ATP6V0A4: variants seen among roughly 807,000 people sequenced by gnomAD.
ATP6V0A4 encodes V-type proton ATPase 116 kDa subunit a 4.
In ATP6V0A4, 86 loss-of-function variants were observed where a neutral mutation model predicts 107.3. That is an observed-to-expected ratio of 0.80 (90% CI 0.67 to 0.96). The LOEUF is 0.96. Ranked by LOEUF, ATP6V0A4 falls within the 40% of genes least tolerant of loss-of-function variation. The pLI, the probability that ATP6V0A4 is intolerant of heterozygous loss-of-function variation, is 0.00. For missense variants in ATP6V0A4, 908 were observed against 1,045.6 expected (o/e 0.87, Z 1.81); for synonymous variants, 353 against 381.4 (o/e 0.93, Z 0.87).
Position 138,749,457 on chromosome 7 carries a change from G to A in ATP6V0A4, c.1030-140C>T, listed in dbSNP as rs114455495. The stretch of plus-strand genomic sequence containing the variant: ...ATCTCTTGATCTCTCTGAGACTCAC[G>A]ACCTTATGTGTAGAGAGTTAATACC... On this transcript the variant is annotated intron_variant, in intron 11 of 21. Coordinates refer to ENST00000310018, the MANE Select transcript of ATP6V0A4 (RefSeq NM_020632.3). 1,057 of 863,422 alleles carry A rather than the reference G, an allele frequency of 1.2e-3. 6 individuals are homozygous for A. In the African/African-American group the frequency reaches 0.017, roughly 14 times the overall value. The allele number at this position is 863,422 out of a possible 1,614,324, so 53.5% of individuals were successfully genotyped here.
rs186997078 is a variant in ATP6V0A4, at chr7:138,728,794, C to T, written c.1977G>A (p.Pro659=). The T allele has an allele frequency of 2.9e-4, 463 of 1,614,126 alleles. 1 individual carries two copies. Among genetic ancestry groups the T allele is most frequent in the Non-Finnish European group, 3.6e-4 (428 of 1,180,034 alleles). The change falls in exon 18 of 22, where the codon CCG becomes CCA. Residue 659 remains proline, a synonymous_variant. Transcript: ENST00000310018. ...TCCGATGACTGGCTCTAAGAATAAA[C>T]GGCTTAATCAGAAGCATCCACGGCA... ...ISVPWMLLIK[P]FILRASHRKS...
At chr7:138,712,418 G>A (rs1418531645) in intron 20 of ATP6V0A4, among the ~76,000 whole-genome samples, 1 of 150,908 alleles carries the variant, frequency 6.6e-6, no homozygotes, top group Non-Finnish European at 1.5e-5. Flanking sequence ...CTGGCCTAGG[G>A]ACCTGAGATT....
chr7:138,760,212 G>A lies in ATP6V0A4; in HGVS notation c.513-334C>T, dbSNP rs185761736. On this transcript the variant is annotated intron_variant, in intron 7 of 21. Coordinates refer to ENST00000310018, the MANE Select transcript of ATP6V0A4 (RefSeq NM_020632.3). ...TAATCCCAGCACTTTGGGAGGCTGA[G>A]GCGGGCGGATCACCTGAGGTCAGGA... is the stretch of plus-strand genomic sequence containing the variant. 5.7e-3 allele frequency among the ~76,000 whole-genome samples: 868 copies of A among 152,260 alleles called. 4 individuals are homozygous for A. Among genetic ancestry groups the A allele is most frequent in the African/African-American group, 0.02 (824 of 41,544 alleles).
At chr7:138,735,167 G>A (rs1363304773) in intron 15 of ATP6V0A4, among the ~76,000 whole-genome samples, 1 of 152,056 alleles carries the variant, frequency 6.6e-6, no homozygotes, top group Non-Finnish European at 1.5e-5. Flanking sequence ...GGGTGGAGGG[G>A]TTAGTTAGGG....
intron 1 of ATP6V0A4, among the ~76,000 whole-genome samples, chr7:138,797,383 A>G (rs1808733772): frequency 6.6e-6 from 1 of 151,334 alleles, no homozygotes; most frequent in Non-Finnish European, 1.5e-5. Context: ...ACACCTGGCT[A>G]ATTTTTGTAT....
At chr7:138,759,039 C>A (rs1412846840) in intron 8 of ATP6V0A4, among the ~76,000 whole-genome samples, 1 of 146,108 alleles carries the variant, frequency 6.8e-6, no homozygotes, top group Non-Finnish European at 1.5e-5. Flanking sequence ...GCATGAGCCA[C>A]CATGCCCAGC....
At chr7:138,768,711 C>T (rs1584939505) in intron 5 of ATP6V0A4, 69 bp downstream of exon 5, 12 of 1,577,300 alleles carry the variant, frequency 7.6e-6, no homozygotes, top group South Asian at 1.1e-5. Context: ...AAGTGGCTCT[C>T]AGGGCCTTCA....
intron 17 of ATP6V0A4, among the ~76,000 whole-genome samples, chr7:138,730,137 G>A (rs1353351216): frequency 6.6e-6 from 1 of 152,174 alleles, no homozygotes; most frequent in Non-Finnish European, 1.5e-5. Context: ...GCCCGCCTCG[G>A]CCTCCCAAAG....
At chr7:138,784,702 AG>A (rs1292949978) in intron 2 of ATP6V0A4, among the ~76,000 whole-genome samples, 1 of 152,226 alleles carries the variant, frequency 6.6e-6, no homozygotes, top group Non-Finnish European at 1.5e-5. Flanking sequence ...CGGTCTTGAG[AG>A]AAACAACTTT....
chr7:138,768,825 C>T lies in ATP6V0A4; in HGVS notation c.246G>A (p.Glu82=), dbSNP rs752338756. ...MQNEIVVQLL[E]KSPLTPLPRE... ...GTGGGAGCGGGGTCAGTGGGCTTTTCTCGAGCAACTGAACTACAATCTCAT... is the reference window on the plus strand; with the variant it reads ...GTGGGAGCGGGGTCAGTGGGCTTTTTTCGAGCAACTGAACTACAATCTCAT... The change falls in exon 5 of 22, where the codon GAG becomes GAA. Residue 82 remains glutamate (E), a synonymous_variant. Coordinates refer to ENST00000310018, the MANE Select transcript of ATP6V0A4 (RefSeq NM_020632.3). 2 of 1,614,208 alleles carry T rather than the reference C, an allele frequency of 1.2e-6. No homozygotes were observed. Among genetic ancestry groups the T allele is most frequent in the Non-Finnish European group, 1.7e-6 (2 of 1,180,038 alleles).
At chr7:138,709,888 ATT>A in intron 20 of ATP6V0A4, 93 bp from the exon 21 acceptor site, 1 of 1,341,862 alleles carries the variant, frequency 7.5e-7, no homozygotes, top group Non-Finnish European at 9.9e-7. Flanking sequence ...ATATATATAT[ATT>A]TTAAATAGAG....
intron 15 of ATP6V0A4, among the ~76,000 whole-genome samples, chr7:138,738,490 A>C (rs1329135908): frequency 3.9e-5 from 6 of 152,180 alleles, no homozygotes; most frequent in Non-Finnish European, 8.8e-5. Flanking sequence ...CTGCTTACTA[A>C]ACATGAAATT....
At chr7:138,780,304 C>T (rs1807859657) in intron 2 of ATP6V0A4, among the ~76,000 whole-genome samples, 1 of 152,154 alleles carries the variant, frequency 6.6e-6, no homozygotes. Flanking sequence ...AACACACAAC[C>T]TAGATTCTTC....
intron 10 of ATP6V0A4, 97 bp from the exon 11 acceptor site, chr7:138,752,934 C>G (rs1176177887): frequency 2.6e-6 from 4 of 1,552,794 alleles, no homozygotes; most frequent in African/African-American, 1.4e-5. Flanking sequence ...GCAGCTTCCT[C>G]TGCTCTGGCA....
chr7:138,712,002 G>A (rs956146984), intron 20 of ATP6V0A4, among the ~76,000 whole-genome samples: 9 of 151,718 alleles, frequency 5.9e-5, no homozygotes, highest in Non-Finnish European at 1.2e-4. Context: ...GTGTGATCTC[G>A]GCTCACTGTA....
In ATP6V0A4 at chr7:138,733,044, T is replaced by C. The variant is rs1805105163; in HGVS notation, c.1741A>G (p.Ile581Val). The C allele has an allele frequency of 6.2e-7, 1 of 1,613,834 alleles. No individual in the cohort carries two copies. Among genetic ancestry groups the C allele is most frequent in the African/African-American group, 1.3e-5 (1 of 74,846 alleles). Reference protein sequence around the residue: ...NIILQFIPEMIFILCLFGYLV... With the variant: ...NIILQFIPEMVFILCLFGYLV... ...TATCCAAACAGACACAGGATAAAAATCATCTCAGGGATAAATTGCAGAATG... is the reference window on the plus strand; with the variant it reads ...TATCCAAACAGACACAGGATAAAAACCATCTCAGGGATAAATTGCAGAATG... The change falls in exon 17 of 22, where the codon ATT becomes GTT. Residue 581 changes from isoleucine to valine, a missense_variant. Physicochemically the swap from Ile to Val is conservative, Grantham distance 29 (BLOSUM62 3). Coordinates refer to ENST00000310018, the MANE Select transcript of ATP6V0A4 (RefSeq NM_020632.3).
At chr7:138,732,019 C>T (rs1805047936) in intron 17 of ATP6V0A4, among the ~76,000 whole-genome samples, 1 of 152,128 alleles carries the variant, frequency 6.6e-6, no homozygotes, top group Admixed American at 6.5e-5. Context: ...TTGGGATGAA[C>T]TGTCTCTGGA....
chr7:138,735,392 T>C (rs1381126227), intron 15 of ATP6V0A4, among the ~76,000 whole-genome samples: 2 of 152,152 alleles, frequency 1.3e-5, no homozygotes, highest in African/African-American at 2.4e-5. Context: ...TCTCACCTTT[T>C]CTGCTAAATG....
intron 18 of ATP6V0A4, among the ~76,000 whole-genome samples, chr7:138,727,678 A>C (rs1324657060): frequency 1.3e-5 from 2 of 152,196 alleles, no homozygotes; most frequent in African/African-American, 4.8e-5. Flanking sequence ...GAAAAATAGA[A>C]TTTAATCTGA....
Sources: gnomAD v4.1 joint callset for allele counts (sites outside exome capture counted in the v4.1 genomes callset) on GRCh38, gnomAD v4.1.1 for gene constraint, MANE v1.5 for transcripts, NCBI Gene and HGNC (gene_info 2026-07-23, HGNC 2026-07-21) for gene names.